SEL1L2: variants seen among roughly 807,000 people sequenced by gnomAD.
SEL1L2 encodes the protein SEL1L2 adaptor subunit of SYVN1 ubiquitin ligase.
SEL1L2 carries 89 observed loss-of-function variants against 98.8 expected under a neutral mutation model. The observed-to-expected ratio is 0.90, with a 90% CI of 0.76 to 1.07. The LOEUF is 1.07. Among genes scored for constraint, SEL1L2 ranks in the 50% least tolerant of loss-of-function variants. SEL1L2 has a pLI of 0.00. For missense variants in SEL1L2, 788 were observed against 812.0 expected, an observed-to-expected ratio of 0.97 and a Z score of 0.36; for synonymous variants, 262 against 278.5, an observed-to-expected ratio of 0.94 and a Z score of 0.59.
At chr20:13,921,473 C>T (rs1390085811) in intron 3 of SEL1L2, among the ~76,000 whole-genome samples, 2 of 151,980 alleles carry the variant, frequency 1.3e-5, no homozygotes, top group Non-Finnish European at 2.9e-5. Flanking sequence ...CACTCAGCCG[C>T]TGTTTATTAA....
At chr20:13,865,093 G>T (rs751102328) in intron 17 of SEL1L2, 74 bp downstream of exon 17, 4 of 1,180,008 alleles carry the variant, frequency 3.4e-6, no homozygotes, top group Non-Finnish European at 5.0e-6. Flanking sequence ...GCACAAACAC[G>T]CAGCTACAGC....
intron 3 of SEL1L2, among the ~76,000 whole-genome samples, chr20:13,930,458 G>C (rs2049095763): frequency 1.3e-5 from 2 of 152,170 alleles, no homozygotes; most frequent in South Asian, 4.1e-4. Flanking sequence ...CCTATATCCT[G>C]TCTACGCCTT....
intron 10 of SEL1L2, among the ~76,000 whole-genome samples, chr20:13,880,291 A>C (rs1302354827): frequency 6.6e-6 from 1 of 152,230 alleles, no homozygotes; most frequent in Non-Finnish European, 1.5e-5. Context: ...TGAAATTTTA[A>C]AAGAAAGTAA....
intron 2 of SEL1L2, 95 bp from the exon 3 acceptor site, chr20:13,931,866 A>T: frequency 1.9e-6 from 2 of 1,056,038 alleles, no homozygotes; most frequent in South Asian, 3.7e-5. Context: ...TCATGGCAAA[A>T]ATACAAGCTT....
intron 1 of SEL1L2, among the ~76,000 whole-genome samples, chr20:13,973,073 C>G (rs1015456021): frequency 1.7e-4 from 26 of 152,132 alleles, no homozygotes; most frequent in Non-Finnish European, 3.5e-4. Flanking sequence ...TATCACCTCC[C>G]TGTCTGTTTG....
intron 2 of SEL1L2, among the ~76,000 whole-genome samples, chr20:13,943,844 C>A (rs1184357916): frequency 6.6e-6 from 1 of 151,966 alleles, no homozygotes; most frequent in East Asian, 1.9e-4. Flanking sequence ...AAAAATTCAC[C>A]AATTTTTATG....
intron 17 of SEL1L2, among the ~76,000 whole-genome samples, chr20:13,862,410 C>G (rs2147789404): frequency 6.6e-6 from 1 of 152,248 alleles, no homozygotes; most frequent in East Asian, 1.9e-4. Context: ...TGTGGCCAGC[C>G]CTTCTAGCAT....
chr20:13,980,970 C>T (rs1212129463), intron 1 of SEL1L2, among the ~76,000 whole-genome samples: 5 of 152,106 alleles, frequency 3.3e-5, no homozygotes, highest in African/African-American at 7.2e-5. Flanking sequence ...AGGCTGGGCC[C>T]GGTGGCTTAC....
At chr20:13,939,630 G>A (rs2049648697) in intron 2 of SEL1L2, among the ~76,000 whole-genome samples, 1 of 149,676 alleles carries the variant, frequency 6.7e-6, no homozygotes, top group Admixed American at 6.7e-5. Flanking sequence ...AGCGGCAACA[G>A]GTCTAAAATA....
intron 3 of SEL1L2, among the ~76,000 whole-genome samples, chr20:13,924,569 G>A (rs993233279): frequency 6.6e-6 from 1 of 151,886 alleles, no homozygotes; most frequent in African/African-American, 2.4e-5. Flanking sequence ...GGGACTACTG[G>A]TATGTGCCAC....
chr20:13,849,555 T>C lies in SEL1L2; in HGVS notation c.1997A>G (p.His666Arg), dbSNP rs1301646741. 3 of 1,614,032 alleles carry C rather than the reference T, an allele frequency of 1.9e-6. No individual in the cohort carries two copies. The highest frequency in any genetic ancestry group is 2.2e-5 in the East Asian group (1 of 44,874). Residue 666 changes from histidine to arginine, a missense_variant, in exon 20 of 20, where the codon CAC becomes CGC. Transcript: ENST00000284951. ...WLKLDNTIGP[H>R]WDLFVIGLIV... is the part of the protein sequence containing the mutation. Reference sequence around the variant, plus strand: ...GAGGCCAATCACAAATAAGTCCCAGTGTGGTCCAATGGTGTTGTCCAGTTT... The same window carrying C: ...GAGGCCAATCACAAATAAGTCCCAGCGTGGTCCAATGGTGTTGTCCAGTTT...
In SEL1L2 at chr20:13,863,798, C is replaced by T. The variant is rs6079199; in HGVS notation, c.1645+1369G>A. ...TATCCTGGTCCACATGGTGAAATCC[C>T]GTCTCTACTAAAAATACAAAAATTA... On this transcript the variant is annotated intron_variant, in intron 17 of 19. Transcript: ENST00000284951. 7.5e-3 allele frequency among the ~76,000 whole-genome samples: 1,143 copies of T among 151,960 alleles called. 13 individuals are homozygous for T. The highest frequency in any genetic ancestry group is 0.012 in the Non-Finnish European group (801 of 67,972).
intron 12 of SEL1L2, among the ~76,000 whole-genome samples, chr20:13,873,191 T>C (rs1477047177): frequency 6.6e-6 from 1 of 151,636 alleles, no homozygotes; most frequent in African/African-American, 2.4e-5. Context: ...GATTTCACCA[T>C]GTTGACCAGG....
At chr20:13,895,447 T>TA (rs74581623) in intron 5 of SEL1L2, among the ~76,000 whole-genome samples, 36,040 of 92,870 alleles carry the variant, frequency 0.39, 6,080 homozygotes, top group Middle Eastern at 0.47. Flanking sequence ...GATCTTGTCC[T>TA]AAAAAAAAAA....
At chr20:13,903,751 G>A (rs139809245) in intron 5 of SEL1L2, among the ~76,000 whole-genome samples, 1 of 152,100 alleles carries the variant, frequency 6.6e-6, no homozygotes, top group East Asian at 1.9e-4. Flanking sequence ...GGAGACGGAG[G>A]TTGCAGTGAG....
intron 5 of SEL1L2, among the ~76,000 whole-genome samples, chr20:13,898,981 A>G (rs955587633): frequency 6.6e-6 from 1 of 152,164 alleles, no homozygotes; most frequent in Non-Finnish European, 1.5e-5. Flanking sequence ...ACTTCAGGTG[A>G]TATGCCCACC....
At chr20:13,892,327 G>A (rs370887469) in intron 5 of SEL1L2, among the ~76,000 whole-genome samples, 3 of 151,970 alleles carry the variant, frequency 2.0e-5, no homozygotes, top group Admixed American at 2.0e-4. Flanking sequence ...GCAGGCACCT[G>A]TAATCCCAGC....
intron 1 of SEL1L2, among the ~76,000 whole-genome samples, chr20:13,983,084 A>C (rs1316890491): frequency 1.3e-5 from 2 of 148,994 alleles, no homozygotes; most frequent in Non-Finnish European, 3.0e-5. Context: ...GAGAGAAAAA[A>C]ACACATGATT....
chr20:13,941,930 T>C (rs1453782237), intron 2 of SEL1L2, among the ~76,000 whole-genome samples: 3 of 152,210 alleles, frequency 2.0e-5, no homozygotes, highest in African/African-American at 7.2e-5. Flanking sequence ...ACATTTCTTG[T>C]TTTCCTTAAC....
Sources: allele counts gnomAD v4.1 joint callset (sites outside exome capture counted in the v4.1 genomes callset), GRCh38; gene constraint gnomAD v4.1.1; transcripts MANE v1.5; gene names NCBI Gene and HGNC (gene_info 2026-07-23, HGNC 2026-07-21).